ERCC1: variants seen among roughly 807,000 people sequenced by gnomAD.
The protein encoded by ERCC1 is ERCC excision repair 1, endonuclease non-catalytic subunit.
ERCC1 carries 36 observed loss-of-function variants against 37.6 expected under a neutral mutation model. The observed-to-expected ratio is 0.96, with a 90% CI of 0.73 to 1.26. The LOEUF (loss-of-function observed/expected upper bound fraction) is 1.26. ERCC1 is among the 50% of genes most tolerant of loss of function. The pLI is 0.00. For missense variants in ERCC1, 349 were observed against 376.5 expected, an observed-to-expected ratio of 0.93 and a Z score of 0.60; for synonymous variants, 156 against 162.1, an observed-to-expected ratio of 0.96 and a Z score of 0.28.
intron 1 of ERCC1, chr19:45,429,046 T>C (rs1261424688): frequency 6.6e-6 from 1 of 152,252 alleles, no homozygotes; most frequent in Non-Finnish European, 1.5e-5. Flanking sequence ...CGGGCACCTT[T>C]TTTGGTGGGA....
intron 6 of ERCC1, 148 bp downstream of exon 6, chr19:45,416,673 C>A: frequency 1.4e-5 from 9 of 626,002 alleles, no homozygotes; most frequent in Non-Finnish European, 2.0e-5. Flanking sequence ...CCTTGTTTTA[C>A]AGATGAGGAA....
At chr19:45,424,754 C>T (rs893493860), upstream of ERCC1, among the ~76,000 whole-genome samples, 1 of 151,994 alleles carries the variant, frequency 6.6e-6, no homozygotes, top group African/African-American at 2.4e-5. Context: ...ATATTGCAAA[C>T]ATTTCCTCCT....
chr19:45,423,669 C>G, intron 1 of ERCC1, 112 bp downstream of exon 1: 1 of 1,267,090 alleles, frequency 7.9e-7, no homozygotes, highest in Non-Finnish European at 1.0e-6. Context: ...GTCCGGCCCC[C>G]GAGGCTAGCA....
chr19:45,428,295 C>T (rs1461305793), upstream of ERCC1, among the ~76,000 whole-genome samples: 1 of 150,358 alleles, frequency 6.7e-6, no homozygotes, highest in Non-Finnish European at 1.5e-5. Flanking sequence ...GGGGTGGGGT[C>T]TCACTATAGC....
intron 1 of ERCC1, 115 bp from the exon 2 acceptor site, chr19:45,423,496 C>T (rs1241106969): frequency 7.3e-6 from 11 of 1,500,486 alleles, no homozygotes; most frequent in Non-Finnish European, 9.8e-6. Flanking sequence ...TCCATAGCGT[C>T]AGGTCCCCAA....
rs1480001332 is a variant in ERCC1 at position 45,439,206 on chromosome 19, C to CA, written c.-7-15826dup. Among the ~76,000 whole-genome samples the CA allele has an allele frequency of 9.9e-5, 15 of 151,924 alleles. No individual in the cohort carries two copies. The East Asian group carries it at 2.5e-3, about 26-fold the overall frequency. The stretch of plus-strand genomic sequence containing the variant: ...GTCTCAAAAAACAAAAACAAACAAA[C>CA]AAAAAAACAAATAGCGCCTCGTTTT... On this transcript the variant is annotated intron_variant, in intron 1 of 8. Transcript: ENST00000423698.
intron 2 of ERCC1, among the ~76,000 whole-genome samples, chr19:45,421,869 G>A (rs1228896612): frequency 6.6e-6 from 1 of 151,842 alleles, no homozygotes; most frequent in African/African-American, 2.4e-5. Flanking sequence ...CTGACCTCAG[G>A]TGATCCGCCC....
chr19:45,416,455 A>G, intron 6 of ERCC1: 1 of 252,036 alleles, frequency 4.0e-6, no homozygotes, highest in Non-Finnish European at 7.8e-6. Context: ...TTTCAAGACC[A>G]GCCTGGCCAA....
chr19:45,437,712 G>T (rs1057156235), intron 1 of ERCC1, among the ~76,000 whole-genome samples: 2 of 152,174 alleles, frequency 1.3e-5, no homozygotes, highest in African/African-American at 4.8e-5. Context: ...GGAGAGGGTT[G>T]GGAAAAGAGA....
Position 45,407,386 on chromosome 19 carries a change from T to C in ERCC1, c.*2289A>G. On this transcript the variant is annotated 3_prime_UTR_variant, in exon 10 of 10. Transcript: ENST00000300853. ...AACTACTCCTTTACAGAGTAGAGTG[T>C]CCTCAGAAAGCAGGGGGAGAAACCC... 1 of 682,008 alleles carries C rather than the reference T, an allele frequency of 1.5e-6. No individual in the cohort carries two copies. The highest frequency in any genetic ancestry group is 2.4e-6 in the Non-Finnish European group (1 of 419,200). 42.2% of individuals were successfully genotyped at this position (682,008 alleles called of 1,614,324 possible).
upstream of ERCC1, among the ~76,000 whole-genome samples, chr19:45,426,441 C>T (rs2123555946): frequency 1.3e-5 from 2 of 149,668 alleles, no homozygotes; most frequent in Middle Eastern, 6.9e-3. Flanking sequence ...ATCCCAGCTA[C>T]TCAGGAGGCT....
At chr19:45,424,927 T>C (rs112393129), upstream of ERCC1, among the ~76,000 whole-genome samples, 3 of 145,848 alleles carry the variant, frequency 2.1e-5, no homozygotes, top group African/African-American at 5.4e-5. Context: ...TTTTTCTTTT[T>C]TTTTTTTTTT....
At chr19:45,413,766 G>T in intron 8 of ERCC1, 21 bp from the exon 9 acceptor site, 1 of 1,612,278 alleles carries the variant, frequency 6.2e-7, no homozygotes, top group Non-Finnish European at 8.5e-7. Flanking sequence ...AAAGCGAGGG[G>T]TCAGGGCAGT....
At chr19:45,415,353 A>AC (rs1973994887) in intron 6 of ERCC1, among the ~76,000 whole-genome samples, 1 of 135,522 alleles carries the variant, frequency 7.4e-6, no homozygotes, top group African/African-American at 2.8e-5. Context: ...AAAAAAAAAA[A>AC]AGGCCGGGTG....
At chr19:45,433,144 C>T (rs556744507) in intron 1 of ERCC1, among the ~76,000 whole-genome samples, 7 of 152,134 alleles carry the variant, frequency 4.6e-5, no homozygotes, top group Non-Finnish European at 1.0e-4. Flanking sequence ...AATCCCAGCA[C>T]TTTGGGAGAA....
chr19:45,431,217 C>A (rs1472548229), intron 1 of ERCC1, among the ~76,000 whole-genome samples: 2 of 152,186 alleles, frequency 1.3e-5, no homozygotes, highest in East Asian at 3.9e-4. Context: ...CACGTGAGGA[C>A]CCAGCTGTCT....
intron 2 of ERCC1, among the ~76,000 whole-genome samples, chr19:45,422,487 A>G (rs949806505): frequency 2.0e-5 from 3 of 152,058 alleles, no homozygotes; most frequent in African/African-American, 7.2e-5. Flanking sequence ...TAAAGTAGGA[A>G]GGGGCCAGGC....
At chr19:45,415,995 T>C (rs1974047656) in intron 6 of ERCC1, among the ~76,000 whole-genome samples, 1 of 151,760 alleles carries the variant, frequency 6.6e-6, no homozygotes, top group South Asian at 2.1e-4. Context: ...ATTAGCCAGG[T>C]GTGGTGGCGC....
intron 1 of ERCC1, among the ~76,000 whole-genome samples, chr19:45,434,925 A>G (rs1974935974): frequency 6.6e-6 from 1 of 150,560 alleles, no homozygotes; most frequent in Non-Finnish European, 1.5e-5. Flanking sequence ...ACAGGCATGC[A>G]CCACCACGCC....
Sources: gnomAD v4.1 joint callset for allele counts (sites outside exome capture counted in the v4.1 genomes callset) on GRCh38, gnomAD v4.1.1 for gene constraint, MANE v1.5 for transcripts, NCBI Gene and HGNC (gene_info 2026-07-23, HGNC 2026-07-21) for gene names.